Variants in P2RX4 observed in about 807,000 individuals in gnomAD.
P2RX4 encodes purinergic receptor P2X 4.
P2RX4 carries 37 observed loss-of-function variants against 48.0 expected under a neutral mutation model. That is an observed-to-expected ratio of 0.77 (90% CI 0.59 to 1.01). The LOEUF (loss-of-function observed/expected upper bound fraction) is 1.01, where lower values mean the gene tolerates loss of function less well. Ranked by LOEUF, P2RX4 falls within the 50% of genes least tolerant of loss-of-function variation. The probability of loss-of-function intolerance (pLI) is 0.00; values close to 1 mark genes in which losing one functional copy is unlikely to be tolerated. For missense variants in P2RX4, 501 were observed against 521.4 expected (o/e 0.96, Z 0.38); for synonymous variants, 200 against 199.7 (o/e 1.00, Z -0.01).
At chr12:121,224,675 T>A (rs1273473818) in intron 5 of P2RX4, among the ~76,000 whole-genome samples, 1 of 151,886 alleles carries the variant, frequency 6.6e-6, no homozygotes, top group Non-Finnish European at 1.5e-5. Flanking sequence ...TCAAGGTTGC[T>A]CTAGAATAAC....
chr12:121,223,128 C>T (rs1886752843), intron 5 of P2RX4, 85 bp downstream of exon 5: 1 of 852,972 alleles, frequency 1.2e-6, no homozygotes, highest in Admixed American at 2.0e-5. Flanking sequence ...GGTTGGAGTG[C>T]AGTGGTGCGA....
chr12:121,216,623 C>G, intron 1 of P2RX4: 1 of 283,634 alleles, frequency 3.5e-6, no homozygotes, highest in Non-Finnish European at 6.9e-6. Flanking sequence ...GAGTTCGAGA[C>G]CAGCCTGGCC....
At chr12:121,223,960 G>C (rs982053201) in intron 5 of P2RX4, among the ~76,000 whole-genome samples, 1 of 152,120 alleles carries the variant, frequency 6.6e-6, no homozygotes, top group Non-Finnish European at 1.5e-5. Context: ...AGCTTCACTC[G>C]CAGGACCCAC....
At position 121,232,532 on chromosome 12, in the gene P2RX4, T is replaced by A; in HGVS notation, c.978+25T>A. 6.2e-7 allele frequency: 1 copy of A among 1,608,862 alleles called. No individual in the cohort carries two copies. The highest frequency in any genetic ancestry group is 1.7e-4 in the Middle Eastern group (1 of 6,052). ...GGTAGCTCGCCGCCACTGGCTCCCC[T>A]CCGTCACTCCCTGCAGGGACAAGGG... is the stretch of plus-strand genomic sequence containing the variant. On this transcript the variant is annotated intron_variant, in intron 9 of 11. Coordinates refer to ENST00000337233, the MANE Select transcript of P2RX4 (RefSeq NM_002560.3). This position sits in a 1 kb window ranked among gnomAD's most constrained non-coding sequence, Gnocchi z 4.3.
chr12:121,233,571 C>A lies in P2RX4; in HGVS notation c.*22C>A. On this transcript the variant is annotated 3_prime_UTR_variant, in exon 12 of 12. Coordinates refer to ENST00000337233, the MANE Select transcript of P2RX4 (RefSeq NM_002560.3). ...GTGAGGCCTACCCCACACCTGGGCTCTCCACAGCCCCATCAAAGAACAGAG... is the reference window on the plus strand; with the variant it reads ...GTGAGGCCTACCCCACACCTGGGCTATCCACAGCCCCATCAAAGAACAGAG... 3 of 1,605,762 alleles carry A rather than the reference C, an allele frequency of 1.9e-6. No homozygotes were observed. Among genetic ancestry groups the A allele is most frequent in the Non-Finnish European group, 2.6e-6 (3 of 1,175,664 alleles).
intron 2 of P2RX4, among the ~76,000 whole-genome samples, chr12:121,218,482 C>CA (rs889624302): frequency 8.0e-5 from 12 of 150,502 alleles, no homozygotes; most frequent in East Asian, 2.0e-4. Context: ...GACTCCGTCT[C>CA]AAAAAAAAAG....
intron 2 of P2RX4, among the ~76,000 whole-genome samples, chr12:121,219,640 GATAGATAGATAGATAGATGGAAA>G: frequency 6.7e-6 from 1 of 148,346 alleles, no homozygotes; most frequent in Non-Finnish European, 1.5e-5. Flanking sequence ...TAGATAGATA[GATAGATAGATAGATAGATGGAAA>G]GAAAGAAAGA....
In P2RX4 at chr12:121,232,731, G is replaced by A; in HGVS notation, c.1044+55G>A. On this transcript the variant is annotated intron_variant, in intron 10 of 11. Transcript: ENST00000337233. The surrounding 1 kb of genome is among the most constrained non-coding windows in gnomAD (Gnocchi z 4.3). ...CACGGTGAGGTGAGACCCTGGGCTG[G>A]GGTCCTGGTCCTGGCCCTAGGCCCT... is the stretch of plus-strand genomic sequence containing the variant. 6.9e-7 allele frequency: 1 copy of A among 1,457,958 alleles called. No individual in the cohort carries two copies. The allele number at this position is 1,457,958 out of a possible 1,614,324, so 90.3% of individuals were successfully genotyped here. A position where few individuals can be genotyped will look rare whatever the true frequency, so the allele number is the denominator to read the frequency against.
intron 5 of P2RX4, among the ~76,000 whole-genome samples, chr12:121,227,158 A>C (rs1887028187): frequency 6.6e-6 from 1 of 150,438 alleles, no homozygotes; most frequent in Admixed American, 6.6e-5. Flanking sequence ...CCTTTCTCTG[A>C]CAGCAGTGGT....
chr12:121,232,935 G>C lies in P2RX4; in HGVS notation c.1045-62G>C, dbSNP rs759105337. On this transcript the variant is annotated intron_variant, in intron 10 of 11. Transcript: ENST00000337233. The surrounding 1 kb of genome is among the most constrained non-coding windows in gnomAD (Gnocchi z 4.3). ...GGCTTCTCAGGAAGGGGCACGCAAA[G>C]AATAAGATGGGTTGATGGGTTGCAA... 8.5e-7 allele frequency: 1 copy of C among 1,181,152 alleles called. No homozygotes were observed. Among genetic ancestry groups the C allele is most frequent in the African/African-American group, 1.5e-5 (1 of 66,564 alleles). The allele number at this position is 1,181,152 out of a possible 1,614,324, so 73.2% of individuals were successfully genotyped here. A position where few individuals can be genotyped will look rare whatever the true frequency, so the allele number is the denominator to read the frequency against.
chr12:121,232,270 C>A lies in P2RX4; in HGVS notation c.885-144C>A. 1.6e-6 allele frequency: 1 copy of A among 642,434 alleles called. No homozygotes were observed. The highest frequency in any genetic ancestry group is 2.8e-6 in the Non-Finnish European group (1 of 361,664). 39.8% of individuals were successfully genotyped at this position (642,434 alleles called of 1,614,324 possible). On this transcript the variant is annotated intron_variant, in intron 8 of 11. Transcript: ENST00000337233. The surrounding 1 kb of genome is among the most constrained non-coding windows in gnomAD (Gnocchi z 4.3). ...TCCTGCTTGCACAGCCCGCCTCAGC[C>A]AGGAGAGGCCCCGAGCCGCTCCAGC...
Position 121,233,526 on chromosome 12 carries a change from C to A in P2RX4, c.1144C>A (p.Leu382Ile). ...YKYVEDYEQG[L>I]ASELDQ ...CTGCTTGTGTCCTTCTTTGCAGGGT[C>A]TTGCTAGTGAGCTGGACCAGTGAGG... The change falls in exon 12 of 12, where the codon CTT becomes ATT. Residue 382 changes from leucine (L) to isoleucine (I), a missense_variant. Around this residue, in one of 3 missense-constraint regions of P2RX4, gnomAD observed 197 missense variants for 219.5 expected, o/e 0.90. Transcript: ENST00000337233. The A allele has an allele frequency of 6.2e-7, 1 of 1,608,532 alleles. No homozygotes were observed. The highest frequency in any genetic ancestry group is 8.5e-7 in the Non-Finnish European group (1 of 1,177,270).
intron 5 of P2RX4, among the ~76,000 whole-genome samples, chr12:121,225,593 A>G (rs1886931751): frequency 6.6e-6 from 1 of 151,514 alleles, no homozygotes; most frequent in Non-Finnish European, 1.5e-5. Flanking sequence ...TTGTATTTTT[A>G]GTAGAGAGGG....
intron 4 of P2RX4, 96 bp from the exon 5 acceptor site, chr12:121,222,851 G>T (rs1886728278): frequency 7.0e-7 from 1 of 1,431,448 alleles, no homozygotes; most frequent in Non-Finnish European, 9.6e-7. Flanking sequence ...TGGCTGCATG[G>T]GAGGCTGGAT....
At chr12:121,233,171 G>A in intron 11 of P2RX4, 79 bp downstream of exon 11, 1 of 995,356 alleles carries the variant, frequency 1.0e-6, no homozygotes. Flanking sequence ...GCCTGTCTGG[G>A]GAGGCCCTTC....
At chr12:121,224,901 G>A (rs927548998) in intron 5 of P2RX4, among the ~76,000 whole-genome samples, 4 of 152,054 alleles carry the variant, frequency 2.6e-5, no homozygotes, top group Admixed American at 6.6e-5. Context: ...GCAAAGGAAG[G>A]AGATAGAAAA....
Position 121,217,298 on chromosome 12 carries a change from G to A in P2RX4, c.282+17G>A. The A allele has an allele frequency of 6.2e-7, 1 of 1,612,888 alleles. No individual in the cohort carries two copies. The highest frequency in any genetic ancestry group is 8.5e-7 in the Non-Finnish European group (1 of 1,179,014). ...CCAGCTCAGGTGTGTCTCCCACTGTGTCTTCTGTCTAACACTGACACCTTG... is the reference window on the plus strand; with the variant it reads ...CCAGCTCAGGTGTGTCTCCCACTGTATCTTCTGTCTAACACTGACACCTTG... On this transcript the variant is annotated intron_variant, in intron 2 of 11. Coordinates refer to ENST00000337233, the MANE Select transcript of P2RX4 (RefSeq NM_002560.3).
At position 121,232,043 on chromosome 12, in the gene P2RX4, G is replaced by A. The variant is rs1887400109; in HGVS notation, c.885-371G>A. 6.6e-6 allele frequency among the ~76,000 whole-genome samples: 1 copy of A among 150,674 alleles called. No homozygotes were observed. Among genetic ancestry groups the A allele is most frequent in the Non-Finnish European group, 1.5e-5 (1 of 67,820 alleles). On this transcript the variant is annotated intron_variant, in intron 8 of 11. Transcript: ENST00000337233. The surrounding 1 kb of genome is among the most constrained non-coding windows in gnomAD (Gnocchi z 4.3). ...AAAAAAGTCCCTGCACTGATGCTGT[G>A]TTGGGGCTGGCTTAGTCCCCTCCTG...
intron 4 of P2RX4, 95 bp from the exon 5 acceptor site, chr12:121,222,852 G>C: frequency 1.4e-6 from 2 of 1,421,382 alleles, no homozygotes; most frequent in South Asian, 2.5e-5. Flanking sequence ...GGCTGCATGG[G>C]AGGCTGGATG....
Sources: allele counts gnomAD v4.1 joint callset (sites outside exome capture counted in the v4.1 genomes callset), GRCh38; gene constraint gnomAD v4.1.1; regional missense constraint gnomAD v4.1.1; non-coding constraint Gnocchi (gnomAD v3.1); transcripts MANE v1.5; gene names NCBI Gene and HGNC (gene_info 2026-07-23, HGNC 2026-07-21).